The following GLI3 variants were observed in gnomAD, a reference collection of about 807,000 sequenced individuals.
GLI3 encodes transcription activator GLI3.
In GLI3, 20 loss-of-function variants were observed where a neutral mutation model predicts 100.8. That is an observed-to-expected ratio of 0.20 (90% CI 0.14 to 0.29). The LOEUF (loss-of-function observed/expected upper bound fraction) is 0.29, where lower values mean the gene tolerates loss of function less well. Among genes scored for constraint, GLI3 ranks in the 10% least tolerant of loss-of-function variants. The probability of loss-of-function intolerance (pLI) is 1.00; values close to 1 mark genes in which losing one functional copy is unlikely to be tolerated. For missense variants in GLI3, 2,040 were observed against 2,128.5 expected, an observed-to-expected ratio of 0.96 and a Z score of 0.82; for synonymous variants, 938 against 860.5, an observed-to-expected ratio of 1.09 and a Z score of -1.58.
At chr7:42,200,650 G>A (rs561905346) in intron 2 of GLI3, among the ~76,000 whole-genome samples, 61 of 152,234 alleles carry the variant, frequency 4.0e-4, no homozygotes, top group African/African-American at 1.4e-3. Context: ...TCTTGTGTCT[G>A]AACAAATGCT....
chr7:42,069,487 T>TA (rs753313927), intron 4 of GLI3, among the ~76,000 whole-genome samples: 1 of 152,220 alleles, frequency 6.6e-6, no homozygotes, highest in East Asian at 1.9e-4. Flanking sequence ...AGGCAGGACT[T>TA]AAACTTTTTC....
At chr7:42,031,552 T>C (rs1332854879) in intron 7 of GLI3, among the ~76,000 whole-genome samples, 1 of 152,250 alleles carries the variant, frequency 6.6e-6, no homozygotes, top group Non-Finnish European at 1.5e-5. Flanking sequence ...GTGGAGGAGC[T>C]TCCAGAGACC....
At chr7:41,969,067 C>A (rs1471752355) in intron 13 of GLI3, among the ~76,000 whole-genome samples, 1 of 152,182 alleles carries the variant, frequency 6.6e-6, no homozygotes, top group Non-Finnish European at 1.5e-5. Context: ...AAATGGCCTA[C>A]AATGCACAGG....
chr7:42,048,745 C>A, intron 4 of GLI3, 49 bp from the exon 5 acceptor site: 1 of 1,172,514 alleles, frequency 8.5e-7, no homozygotes, highest in Non-Finnish European at 1.3e-6. Context: ...AGACAAATAT[C>A]TCCACAGGCA....
At chr7:42,133,824 A>G (rs1024028947) in intron 3 of GLI3, among the ~76,000 whole-genome samples, 1 of 152,028 alleles carries the variant, frequency 6.6e-6, no homozygotes, top group Admixed American at 6.5e-5. Flanking sequence ...GCTCCTGCCT[A>G]TAATCCTAGC....
intron 2 of GLI3, chr7:42,222,778 A>G: frequency 3.5e-6 from 1 of 282,850 alleles, no homozygotes; most frequent in Non-Finnish European, 7.0e-6. Context: ...TTTTGTACTA[A>G]TTATTCCGAG....
At chr7:41,975,652 A>AC (rs1006058761) in intron 12 of GLI3, among the ~76,000 whole-genome samples, 1 of 152,200 alleles carries the variant, frequency 6.6e-6, no homozygotes, top group Admixed American at 6.6e-5. Flanking sequence ...TGCACTTTTT[A>AC]CCTTGGAGAA....
chr7:42,261,495 C>T (rs1789140214), intron 1 of GLI3, among the ~76,000 whole-genome samples: 1 of 152,138 alleles, frequency 6.6e-6, no homozygotes, highest in African/African-American at 2.4e-5. Flanking sequence ...GTATGCAAAG[C>T]CAGGGTTCTA....
intron 10 of GLI3, among the ~76,000 whole-genome samples, chr7:42,019,762 T>A (rs1346941062): frequency 1.3e-5 from 2 of 152,190 alleles, no homozygotes; most frequent in Non-Finnish European, 2.9e-5. Context: ...AATACTTGCA[T>A]CTTGGCAAAT....
chr7:42,075,030 T>C (rs1272860498), intron 4 of GLI3, among the ~76,000 whole-genome samples: 1 of 152,112 alleles, frequency 6.6e-6, no homozygotes, highest in Non-Finnish European at 1.5e-5. Context: ...TGTCTCGTGA[T>C]GTTATCACCA....
In GLI3 at chr7:41,968,713, GAAGAAAGAAAGA is replaced by G. The variant is rs1231824406; in HGVS notation, c.2104-802_2104-791del. 5.2e-3 allele frequency among the ~76,000 whole-genome samples: 486 copies of G among 93,828 alleles called. 9 individuals are homozygous for G. The highest frequency in any genetic ancestry group is 0.019 in the African/African-American group (434 of 22,882). 61.6% of individuals were successfully genotyped at this position (93,828 alleles called of 152,430 possible). A position where few individuals can be genotyped will look rare whatever the true frequency, so the allele number is the denominator to read the frequency against. ...AGAAAGAAAGAAAGAAAGAAAGAAA[GAAGAAAGAAAGA>G]AAGAAAGAAAGAAAGAAAGAAAGAA... is the stretch of plus-strand genomic sequence containing the variant. On this transcript the variant is annotated intron_variant, in intron 13 of 14. Transcript: ENST00000395925.
intron 4 of GLI3, among the ~76,000 whole-genome samples, chr7:42,069,041 C>A (rs145671389): frequency 9.2e-5 from 14 of 152,320 alleles, no homozygotes; most frequent in African/African-American, 3.1e-4. Context: ...TCCCAGGCCC[C>A]CGCAACAGGT....
chr7:42,126,843 T>G (rs933757934), intron 3 of GLI3, among the ~76,000 whole-genome samples: 2 of 152,178 alleles, frequency 1.3e-5, no homozygotes, highest in Non-Finnish European at 2.9e-5. Flanking sequence ...CAAAACCCAC[T>G]TATTAGAAGA....
At chr7:42,011,685 A>T (rs930179527) in intron 10 of GLI3, among the ~76,000 whole-genome samples, 3 of 152,184 alleles carry the variant, frequency 2.0e-5, no homozygotes, top group African/African-American at 7.2e-5. Context: ...GTATGATTTC[A>T]TTTATAAGAA....
chr7:42,085,763 G>A (rs139085066), intron 3 of GLI3, among the ~76,000 whole-genome samples: 81 of 152,324 alleles, frequency 5.3e-4, no homozygotes, highest in African/African-American at 1.8e-3. Flanking sequence ...ACAAATGCAA[G>A]CCTGCCAGAG....
intron 3 of GLI3, among the ~76,000 whole-genome samples, chr7:42,119,948 C>A (rs1183718120): frequency 6.6e-6 from 1 of 152,186 alleles, no homozygotes; most frequent in Non-Finnish European, 1.5e-5. Flanking sequence ...ATCGAGTCAT[C>A]CACACAAACT....
intron 13 of GLI3, 34 bp from the exon 14 acceptor site, chr7:41,967,957 A>G: frequency 1.3e-6 from 2 of 1,557,088 alleles, no homozygotes; most frequent in Non-Finnish European, 1.8e-6. Context: ...AAGAAATGTC[A>G]CCAGGGAGGG....
At chr7:42,256,984 C>T (rs1789091110) in intron 1 of GLI3, among the ~76,000 whole-genome samples, 1 of 152,010 alleles carries the variant, frequency 6.6e-6, no homozygotes, top group African/African-American at 2.4e-5. Context: ...TTTCACATGT[C>T]TTGCATATTA....
chr7:42,227,583 A>T (rs1759479575), intron 1 of GLI3: 1 of 152,034 alleles, frequency 6.6e-6, no homozygotes, highest in Non-Finnish European at 1.5e-5. Context: ...TTCTTTCTAA[A>T]TTATAAATCT....
Sources: gnomAD v4.1 joint callset for allele counts (sites outside exome capture counted in the v4.1 genomes callset) on GRCh38, gnomAD v4.1.1 for gene constraint, MANE v1.5 for transcripts, NCBI Gene and HGNC (gene_info 2026-07-23, HGNC 2026-07-21) for gene names.